SARDH: variants seen among roughly 807,000 people sequenced by gnomAD.
SARDH encodes sarcosine dehydrogenase.
In SARDH, 95 loss-of-function variants were observed where a neutral mutation model predicts 109.1. The observed-to-expected ratio is 0.87, with a 90% confidence interval of 0.74 to 1.03. The LOEUF (loss-of-function observed/expected upper bound fraction) is 1.03, where lower values mean the gene tolerates loss of function less well. SARDH is among the 50% of genes least tolerant of loss of function. SARDH has a pLI of 0.00. For synonymous variants in SARDH, 572 were observed against 534.8 expected (o/e 1.07, Z -0.96); for missense variants, 1,267 against 1,287.8 (o/e 0.98, Z 0.25).
At chr9:133,677,312 T>A (rs1053205405) in intron 17 of SARDH, among the ~76,000 whole-genome samples, 2 of 152,090 alleles carry the variant, frequency 1.3e-5, no homozygotes, top group African/African-American at 4.8e-5. Flanking sequence ...GAATCGACAA[T>A]GTTCTCAGAC....
At chr9:133,668,276 TCCC>T (rs1242352853) in intron 19 of SARDH, among the ~76,000 whole-genome samples, 2 of 32,668 alleles carry the variant, frequency 6.1e-5, no homozygotes, top group Non-Finnish European at 1.2e-4. Context: ...CCACTCACCG[TCCC>T]TCTCCCTCCC....
In SARDH at chr9:133,708,426, C is replaced by T. The variant is rs756285960; in HGVS notation, c.1331G>A (p.Arg444His). 54 of 1,608,054 alleles carry T rather than the reference C, an allele frequency of 3.4e-5. No individual in the cohort carries two copies. In the Admixed American group the frequency reaches 4.9e-4, roughly 14 times the overall value. ...GTGGTCCGTGAGCGAGTGATGGAAG[C>T]GCCTGCCGCAGACAGGGGGACGGGT... ...EKDMHGYDIR[R>H]FHHSLTDHPR... The change falls in exon 11 of 21, where the codon CGC becomes CAC. Residue 444 changes from arginine to histidine, a missense_variant and splice_region_variant. Physicochemically the swap from Arg to His is conservative, Grantham distance 29. Coordinates refer to ENST00000439388, the MANE Select transcript of SARDH (RefSeq NM_001134707.2).
chr9:133,733,862 C>T lies in SARDH; in HGVS notation c.312G>A (p.Gly104=). ...VLLERERLTS[G]TTWHTAGLLW... ...CCCTACCTGCCGTGTGCCAGGTGGT[C>T]CCGGAGGTCAGCCGCTCCCGCTCCA... The change falls in exon 2 of 21, where the codon GGG becomes GGA. Residue 104 remains glycine (G), a synonymous_variant. Coordinates refer to ENST00000439388, the MANE Select transcript of SARDH (RefSeq NM_001134707.2). The T allele has an allele frequency of 6.8e-7, 1 of 1,476,850 alleles. No individual in the cohort carries two copies. The highest frequency in any genetic ancestry group is 1.4e-5 in the South Asian group (1 of 70,558). 91.5% of individuals were successfully genotyped at this position (1,476,850 alleles called of 1,614,324 possible).
At chr9:133,717,227 C>T in intron 8 of SARDH, 99 bp downstream of exon 8, 1 of 1,485,734 alleles carries the variant, frequency 6.7e-7, no homozygotes, top group Non-Finnish European at 9.2e-7. Flanking sequence ...CCCTGGGTCC[C>T]CTGTGTGACA....
At chr9:133,707,214 T>A (rs1279728753) in intron 11 of SARDH, among the ~76,000 whole-genome samples, 1 of 152,218 alleles carries the variant, frequency 6.6e-6, no homozygotes, top group Non-Finnish European at 1.5e-5. Context: ...GCTTCAGCCC[T>A]TGCCAAGTTT....
At chr9:133,707,723 GAA>G (rs1481248669) in intron 11 of SARDH, among the ~76,000 whole-genome samples, 2 of 152,164 alleles carry the variant, frequency 1.3e-5, no homozygotes, top group African/African-American at 4.8e-5. Flanking sequence ...GAGGGGGAAG[GAA>G]TGGAGACGGG....
Position 133,712,751 on chromosome 9 carries a change from G to A in SARDH, c.1238-42C>T, listed in dbSNP as rs373307216. On this transcript the variant is annotated intron_variant, in intron 9 of 20. Transcript: ENST00000439388. This position sits in a 1 kb window ranked among gnomAD's most constrained non-coding sequence, Gnocchi z 4.1. Reference sequence around the variant, plus strand: ...CGCAGGGCTGCGGTCTGCCCCCCAGGGTCCCCCACCCATGTCCAAACATGT... The same window carrying A: ...CGCAGGGCTGCGGTCTGCCCCCCAGAGTCCCCCACCCATGTCCAAACATGT... The A allele has an allele frequency of 6.3e-7, 1 of 1,576,768 alleles. No homozygotes were observed. Among genetic ancestry groups the A allele is most frequent in the East Asian group, 2.2e-5 (1 of 44,698 alleles).
Position 133,663,988 on chromosome 9 carries a change from C to T in SARDH, c.2658G>A (p.Gly886=), listed in dbSNP as rs1829969181. The T allele has an allele frequency of 1.2e-6, 2 of 1,614,134 alleles. No individual in the cohort carries two copies. The highest frequency in any genetic ancestry group is 2.2e-5 in the East Asian group (1 of 44,880). Reference sequence around the variant, plus strand: ...CCCCCATTCTCTCCAGGGCATAGTCCCCGCTCTTCACAAAGTCCAGCGAGA... The same window carrying T: ...CCCCCATTCTCTCCAGGGCATAGTCTCCGCTCTTCACAAAGTCCAGCGAGA... ...GPVSLDFVKS[G]DYALERMGVT... is the part of the protein sequence containing the mutation. The change falls in exon 21 of 21, where the codon GGG becomes GGA. Residue 886 remains glycine, a synonymous_variant. Transcript: ENST00000439388.
At position 133,709,635 on chromosome 9, in the gene SARDH, C is replaced by A. The variant is rs1195074077; in HGVS notation, c.1329-1207G>T. ...TCTGGATGGGTGGGGAGTAGAGGTG[C>A]AGACGTGAGGATTATTATTAATGAT... On this transcript the variant is annotated intron_variant, in intron 10 of 20. Coordinates refer to ENST00000439388, the MANE Select transcript of SARDH (RefSeq NM_001134707.2). The surrounding 1 kb of genome is among the most constrained non-coding windows in gnomAD (Gnocchi z 4.2). Among the ~76,000 whole-genome samples the A allele has an allele frequency of 6.6e-6, 1 of 152,128 alleles. No homozygotes were observed. The highest frequency in any genetic ancestry group is 1.5e-5 in the Non-Finnish European group (1 of 68,040).
intron 6 of SARDH, among the ~76,000 whole-genome samples, chr9:133,720,293 T>C (rs1484092950): frequency 6.6e-6 from 1 of 151,960 alleles, no homozygotes; most frequent in Non-Finnish European, 1.5e-5. Context: ...CCGGGCGTGG[T>C]GGTGGGCAGC....
rs544454652 is a variant in SARDH, at chr9:133,680,036, G to A, written c.2163+5157C>T. The stretch of plus-strand genomic sequence containing the variant: ...GCTCAGGCCCACGCTCCAGCCCAGC[G>A]TTTCTTCACGTTGAGGGATATGTCA... On this transcript the variant is annotated intron_variant, in intron 17 of 20. Transcript: ENST00000439388. Among the ~76,000 whole-genome samples the A allele has an allele frequency of 8.5e-5, 13 of 152,344 alleles. No individual in the cohort carries two copies. In the South Asian group the frequency reaches 1.0e-3, roughly 12 times the overall value.
intron 16 of SARDH, among the ~76,000 whole-genome samples, chr9:133,685,546 C>A (rs1045104314): frequency 8.5e-5 from 13 of 152,174 alleles, no homozygotes; most frequent in Non-Finnish European, 4.4e-5. Flanking sequence ...TAACGGGACT[C>A]GCGATTCTTA....
At chr9:133,721,303 G>GGTTGAA (rs1175845295) in intron 6 of SARDH, among the ~76,000 whole-genome samples, 2 of 152,226 alleles carry the variant, frequency 1.3e-5, no homozygotes, top group Non-Finnish European at 2.9e-5. Flanking sequence ...TGGAAGACAT[G>GGTTGAA]GAGCAAACTC....
At position 133,712,518 on chromosome 9, in the gene SARDH, G is replaced by T; in HGVS notation, c.1328+101C>A. The T allele has an allele frequency of 9.2e-7, 1 of 1,088,024 alleles. No individual in the cohort carries two copies. The highest frequency in any genetic ancestry group is 1.9e-5 in the Admixed American group (1 of 52,128). The allele number at this position is 1,088,024 out of a possible 1,614,324, so 67.4% of individuals were successfully genotyped here. On this transcript the variant is annotated intron_variant, in intron 10 of 20. Coordinates refer to ENST00000439388, the MANE Select transcript of SARDH (RefSeq NM_001134707.2). The surrounding 1 kb of genome is among the most constrained non-coding windows in gnomAD (Gnocchi z 4.1). ...TGCTGCCCCTTCCAGGAAGCCACCT[G>T]GATTTCAGGCAAGGCTCCTTTCTCA...
chr9:133,721,754 T>C (rs1010252232), intron 6 of SARDH, among the ~76,000 whole-genome samples: 1 of 152,186 alleles, frequency 6.6e-6, no homozygotes, highest in African/African-American at 2.4e-5. Context: ...GACAGTTATA[T>C]ATACACATGC....
chr9:133,730,257 C>T, intron 4 of SARDH, 70 bp from the exon 5 acceptor site: 1 of 1,581,676 alleles, frequency 6.3e-7, no homozygotes, highest in South Asian at 1.2e-5. Context: ...CCCACTCCAA[C>T]CAACCCCTCC....
chr9:133,699,197 T>C (rs1257230946), intron 13 of SARDH, among the ~76,000 whole-genome samples: 1 of 151,750 alleles, frequency 6.6e-6, no homozygotes, highest in Non-Finnish European at 1.5e-5. Flanking sequence ...AAATACAAAA[T>C]TAGCTGGGCG....
At chr9:133,678,843 T>C (rs954811843) in intron 17 of SARDH, among the ~76,000 whole-genome samples, 9 of 152,256 alleles carry the variant, frequency 5.9e-5, no homozygotes, top group Non-Finnish European at 1.2e-4. Flanking sequence ...TGGTGTGCTT[T>C]TCTCTTGTGA....
At chr9:133,691,199 C>T (rs1057430615) in intron 15 of SARDH, among the ~76,000 whole-genome samples, 1 of 148,412 alleles carries the variant, frequency 6.7e-6, no homozygotes, top group East Asian at 1.9e-4. Flanking sequence ...CACACACACA[C>T]ACACACACAC....
Sources: gnomAD v4.1 joint callset for allele counts (sites outside exome capture counted in the v4.1 genomes callset) on GRCh38, gnomAD v4.1.1 for gene constraint, Gnocchi (gnomAD v3.1) non-coding constraint, MANE v1.5 for transcripts, NCBI Gene and HGNC (gene_info 2026-07-23, HGNC 2026-07-21) for gene names.